The following KCNH1 variants were observed in gnomAD, a reference collection of about 807,000 sequenced individuals.
KCNH1 encodes voltage-gated delayed rectifier potassium channel KCNH1.
KCNH1 carries 27 observed loss-of-function variants against 69.2 expected under a neutral mutation model. The ratio of observed to expected loss-of-function variants is 0.39; its 90% CI spans 0.29 to 0.54. The LOEUF (loss-of-function observed/expected upper bound fraction) is 0.54, where lower values mean the gene tolerates loss of function less well. Ranked by LOEUF, KCNH1 falls within the 20% of genes least tolerant of loss-of-function variation. KCNH1 has a pLI of 0.68. For missense variants in KCNH1, 798 were observed against 1,261.6 expected, an observed-to-expected ratio of 0.63 and a Z score of 5.57; for synonymous variants, 456 against 487.7, an observed-to-expected ratio of 0.93 and a Z score of 0.86.
At chr1:211,036,278 A>T (rs1224145438) in intron 5 of KCNH1, among the ~76,000 whole-genome samples, 1 of 152,188 alleles carries the variant, frequency 6.6e-6, no homozygotes, top group Non-Finnish European at 1.5e-5. Flanking sequence ...CATTGTCCAG[A>T]TGCAGTGTTC....
At chr1:210,957,948 C>T (rs1472585568) in intron 6 of KCNH1, among the ~76,000 whole-genome samples, 1 of 152,146 alleles carries the variant, frequency 6.6e-6, no homozygotes, top group African/African-American at 2.4e-5. Context: ...GAATTTGATC[C>T]TGTCATTATG....
intron 6 of KCNH1, among the ~76,000 whole-genome samples, chr1:211,007,329 C>T (rs1689303489): frequency 6.6e-6 from 1 of 152,224 alleles, no homozygotes; most frequent in African/African-American, 2.4e-5. Context: ...AGCCAGATCA[C>T]AGAGCTCCTA....
chr1:210,787,964 GC>G (rs1684135070), intron 9 of KCNH1, among the ~76,000 whole-genome samples: 1 of 152,164 alleles, frequency 6.6e-6, no homozygotes, highest in Non-Finnish European at 1.5e-5. Flanking sequence ...TTAAGTTAAA[GC>G]AATGGTTTGG....
At chr1:210,709,722 A>AG (rs879744732) in intron 10 of KCNH1, among the ~76,000 whole-genome samples, 2,799 of 100,006 alleles carry the variant, frequency 0.028, 85 homozygotes, top group Admixed American at 0.09. Flanking sequence ...AGAAAGAAAG[A>AG]AGAGAGAGAG....
intron 5 of KCNH1, among the ~76,000 whole-genome samples, chr1:211,075,430 G>A (rs1203261614): frequency 1.3e-5 from 2 of 152,146 alleles, no homozygotes; most frequent in African/African-American, 4.8e-5. Flanking sequence ...TGGAACTCTG[G>A]AGCCAGGTTA....
chr1:211,029,185 A>G (rs1689737223), intron 5 of KCNH1, among the ~76,000 whole-genome samples: 1 of 144,288 alleles, frequency 6.9e-6, no homozygotes, highest in African/African-American at 2.6e-5. Context: ...AAAAAAAAAA[A>G]GGTCAGGGGT....
intron 5 of KCNH1, among the ~76,000 whole-genome samples, chr1:211,071,486 A>T (rs1418673196): frequency 6.6e-6 from 1 of 152,224 alleles, no homozygotes; most frequent in Non-Finnish European, 1.5e-5. Flanking sequence ...TCACAGCAAG[A>T]ACAACAGGAA....
At chr1:210,745,158 C>CTACTAAAAATACAAAAATT (rs71134636) in intron 10 of KCNH1, among the ~76,000 whole-genome samples, 32 of 150,114 alleles carry the variant, frequency 2.1e-4, no homozygotes, top group African/African-American at 2.4e-4. Context: ...GAGTGGAGGT[C>CTACTAAAAATACAAAAATT]ATGCCACTGC....
At chr1:210,996,185 C>T (rs1298589265) in intron 6 of KCNH1, among the ~76,000 whole-genome samples, 1 of 152,170 alleles carries the variant, frequency 6.6e-6, no homozygotes, top group African/African-American at 2.4e-5. Flanking sequence ...CAGGGTGAGG[C>T]ATCGCCTCAC....
At chr1:210,873,452 A>T (rs1025994470) in intron 7 of KCNH1, among the ~76,000 whole-genome samples, 19 of 152,218 alleles carry the variant, frequency 1.2e-4, no homozygotes, top group Admixed American at 3.9e-4. Context: ...GGCTCAAGTG[A>T]TTCTCTCTCC....
chr1:210,889,768 A>C (rs1248459631), intron 7 of KCNH1, among the ~76,000 whole-genome samples: 1 of 152,216 alleles, frequency 6.6e-6, no homozygotes, highest in Non-Finnish European at 1.5e-5. Flanking sequence ...ATAATAGCCA[A>C]ATCATGAGTG....
At chr1:210,765,892 T>C (rs1344781214) in intron 10 of KCNH1, among the ~76,000 whole-genome samples, 1 of 151,800 alleles carries the variant, frequency 6.6e-6, no homozygotes, top group South Asian at 2.1e-4. Flanking sequence ...TGAAACCCTG[T>C]CTCCAATAAA....
At chr1:211,052,742 G>A (rs1394002169) in intron 5 of KCNH1, among the ~76,000 whole-genome samples, 1 of 152,198 alleles carries the variant, frequency 6.6e-6, no homozygotes, top group Non-Finnish European at 1.5e-5. Context: ...AAGGATTTGG[G>A]TATGGCCTCA....
At chr1:210,740,635 C>T (rs532965306) in intron 10 of KCNH1, among the ~76,000 whole-genome samples, 1 of 150,666 alleles carries the variant, frequency 6.6e-6, no homozygotes, top group African/African-American at 2.4e-5. Flanking sequence ...AAATAGTCAT[C>T]TCCTATGTTA....
intron 5 of KCNH1, among the ~76,000 whole-genome samples, chr1:211,025,872 CTGTAAATCA>C (rs1406911768): frequency 1.3e-5 from 2 of 152,146 alleles, no homozygotes; most frequent in Non-Finnish European, 2.9e-5. Flanking sequence ...ACCATCACAG[CTGTAAATCA>C]TGTGCTTAAT....
At chr1:211,073,980 T>C (rs540020573) in intron 5 of KCNH1, among the ~76,000 whole-genome samples, 17 of 151,310 alleles carry the variant, frequency 1.1e-4, no homozygotes, top group Non-Finnish European at 1.9e-4. Flanking sequence ...TAAAACATAC[T>C]AGCCCCTGAG....
intron 6 of KCNH1, among the ~76,000 whole-genome samples, chr1:210,954,767 C>A (rs6681327): frequency 0.65 from 97,906 of 151,702 alleles, 32,343 homozygotes; most frequent in African/African-American, 0.79. Context: ...TTTCTTGTAA[C>A]TTTGTTTAAG....
At chr1:210,931,205 A>G (rs942522908) in intron 6 of KCNH1, among the ~76,000 whole-genome samples, 3 of 152,220 alleles carry the variant, frequency 2.0e-5, no homozygotes, top group Non-Finnish European at 4.4e-5. Flanking sequence ...CGAAAAAGAT[A>G]CTTGCACACA....
rs550663112 is a variant in KCNH1 at position 210,894,040 on chromosome 1, C to T, written c.1462+25600G>A. Among the ~76,000 whole-genome samples, 13 of 152,224 alleles carry T rather than the reference C, an allele frequency of 8.5e-5. No individual in the cohort carries two copies. In the South Asian group the frequency reaches 2.7e-3, roughly 32 times the overall value. The stretch of plus-strand genomic sequence containing the variant: ...GTCTTTGCCTACTACTTCTAAAAAC[C>T]TGTAACGGTTGAGTCAGTTTTGGCT... On this transcript the variant is annotated intron_variant, in intron 7 of 10. Coordinates refer to ENST00000271751, the MANE Select transcript of KCNH1 (RefSeq NM_172362.3).
Sources: allele counts gnomAD v4.1 joint callset (sites outside exome capture counted in the v4.1 genomes callset), GRCh38; gene constraint gnomAD v4.1.1; transcripts MANE v1.5; gene names NCBI Gene and HGNC (gene_info 2026-07-23, HGNC 2026-07-21).